RBPMS2: variants seen among roughly 807,000 people sequenced by gnomAD.
RBPMS2 encodes the protein RNA binding protein, mRNA processing factor 2.
A neutral mutation model predicts 25.7 loss-of-function variants in RBPMS2; 14 were observed. The observed-to-expected ratio is 0.55, with a 90% CI of 0.36 to 0.85. RBPMS2 has a LOEUF of 0.85. Among genes scored for constraint, RBPMS2 ranks in the 40% least tolerant of loss-of-function variants. The pLI, the probability that RBPMS2 is intolerant of heterozygous loss-of-function variation, is 0.01. For missense variants in RBPMS2, 252 were observed against 283.4 expected (o/e 0.89, Z 0.80); for synonymous variants, 127 against 115.6 (o/e 1.10, Z -0.63).
At chr15:64,745,463 C>T (rs1263364481) in intron 6 of RBPMS2, among the ~76,000 whole-genome samples, 12 of 152,120 alleles carry the variant, frequency 7.9e-5, no homozygotes, top group African/African-American at 2.9e-4. Context: ...AAAATAGAGG[C>T]ACGGGAGTTT....
At position 64,748,427 on chromosome 15, in the gene RBPMS2, G is replaced by C. The variant is rs993604154; in HGVS notation, c.559C>G (p.His187Asp). The change falls in exon 6 of 8, where the codon CAC (histidine) becomes GAC (aspartate). Residue 187 changes from histidine to aspartate, a missense_variant. Coordinates refer to ENST00000300069, the MANE Select transcript of RBPMS2 (RefSeq NM_194272.3). ...PTATAAAAALHAQVRWYPSSD... is the reference protein window; with the variant it reads ...PTATAAAAALDAQVRWYPSSD... ...AACCTTAAAGGGCTTACCTGAGCGT[G>C]GAGGGCGGCGGCAGCGGCAGTGGCA... 1 of 1,613,876 alleles carries C rather than the reference G, an allele frequency of 6.2e-7. No homozygotes were observed. Among genetic ancestry groups the C allele is most frequent in the African/African-American group, 1.3e-5 (1 of 74,934 alleles).
intron 1 of RBPMS2, among the ~76,000 whole-genome samples, chr15:64,752,759 C>T (rs577017943): frequency 4.8e-4 from 73 of 152,108 alleles, no homozygotes; most frequent in Non-Finnish European, 8.7e-4. Context: ...TACATGCATG[C>T]ACCACCATGC....
At chr15:64,772,237 A>G (rs75498547) in intron 1 of RBPMS2, among the ~76,000 whole-genome samples, 5,663 of 152,266 alleles carry the variant, frequency 0.037, 187 homozygotes, top group Non-Finnish European at 0.052. Flanking sequence ...TTACCCAGTT[A>G]TCCCTTGAGA....
Position 64,775,547 on chromosome 15 carries a change from G to A in RBPMS2, c.-228C>T, listed in dbSNP as rs1389410664. ...GCGGCGGGGGAGGCAGTGGGAGCCG[G>A]AGGGGCCGCCGCCTCCGCCTTTTCA... On this transcript the variant is annotated 5_prime_UTR_variant, in exon 1 of 8. Transcript: ENST00000300069. 4.4e-6 allele frequency: 1 copy of A among 227,638 alleles called. No individual in the cohort carries two copies. The highest frequency in any genetic ancestry group is 2.4e-5 in the African/African-American group (1 of 41,964). The allele number at this position is 227,638 out of a possible 1,614,324, so 14.1% of individuals were successfully genotyped here.
At chr15:64,742,021 G>A (rs950985061) in intron 6 of RBPMS2, among the ~76,000 whole-genome samples, 6 of 151,894 alleles carry the variant, frequency 4.0e-5, no homozygotes, top group African/African-American at 7.2e-5. Context: ...CAAATTAGCC[G>A]GGCGTAGTGG....
rs201341858 is a variant in RBPMS2, at chr15:64,763,321, G to GT, written c.88-11684dup. Among the ~76,000 whole-genome samples, 944 of 152,298 alleles carry GT rather than the reference G, an allele frequency of 6.2e-3. 12 individuals are homozygous for GT. The highest frequency in any genetic ancestry group is 0.022 in the African/African-American group (903 of 41,564). ...CCTAGATCCACACACTCCACAACAT[G>GT]TTTCCCATGCTTCCTGCAAGGAGCT... On this transcript the variant is annotated intron_variant, in intron 1 of 7. Coordinates refer to ENST00000300069, the MANE Select transcript of RBPMS2 (RefSeq NM_194272.3).
At chr15:64,772,844 T>C (rs1353489246) in intron 1 of RBPMS2, among the ~76,000 whole-genome samples, 1 of 152,128 alleles carries the variant, frequency 6.6e-6, no homozygotes. Flanking sequence ...AGGCTGAGAA[T>C]TTTCACTTGT....
At chr15:64,774,953 C>G (rs1184390250) in intron 1 of RBPMS2, among the ~76,000 whole-genome samples, 1 of 150,994 alleles carries the variant, frequency 6.6e-6, no homozygotes, top group Admixed American at 6.6e-5. Flanking sequence ...GGACGCGGCG[C>G]ATCTCGCCCA....
At chr15:64,770,385 A>G (rs553338521) in intron 1 of RBPMS2, among the ~76,000 whole-genome samples, 1 of 152,346 alleles carries the variant, frequency 6.6e-6, no homozygotes, top group South Asian at 2.1e-4. Flanking sequence ...TGAAATGGTG[A>G]TAATAATGTA....
At position 64,751,482 on chromosome 15, in the gene RBPMS2, C is replaced by T; in HGVS notation, c.165+79G>A. 3.1e-6 allele frequency: 4 copies of T among 1,277,346 alleles called. No individual in the cohort carries two copies. The South Asian group carries it at 4.8e-5, about 15-fold the overall frequency. The allele number at this position is 1,277,346 out of a possible 1,614,324, so 79.1% of individuals were successfully genotyped here. ...CGCCTTCCCGCATCATCCTGCTGCC[C>T]TGCCCGACCCGAGATTCACTCCCGC... On this transcript the variant is annotated intron_variant, in intron 2 of 7. Transcript: ENST00000300069.
Position 64,751,548 on chromosome 15 carries a change from G to A in RBPMS2, c.165+13C>T. The A allele has an allele frequency of 6.2e-7, 1 of 1,612,856 alleles. No homozygotes were observed. Among genetic ancestry groups the A allele is most frequent in the South Asian group, 1.1e-5 (1 of 91,026 alleles). On this transcript the variant is annotated intron_variant, in intron 2 of 7. Transcript: ENST00000300069. ...CCAGGCTCTACCCAGGGGGCGGCTGGGTCCTGACTCACCTTGAACGGCCGG... is the reference window on the plus strand; with the variant it reads ...CCAGGCTCTACCCAGGGGGCGGCTGAGTCCTGACTCACCTTGAACGGCCGG...
intron 6 of RBPMS2, 108 bp from the exon 7 acceptor site, chr15:64,741,350 G>C (rs1567061696): frequency 2.4e-6 from 2 of 846,128 alleles, no homozygotes; most frequent in African/African-American, 3.4e-5. Flanking sequence ...TTCTGTCACT[G>C]ATTGGCTGGC....
At chr15:64,767,996 G>A (rs2083861060) in intron 1 of RBPMS2, among the ~76,000 whole-genome samples, 1 of 152,166 alleles carries the variant, frequency 6.6e-6, no homozygotes, top group Non-Finnish European at 1.5e-5. Flanking sequence ...TTTAGAAACT[G>A]GTTCTCTCTG....
chr15:64,746,295 G>A (rs1404106340), intron 6 of RBPMS2, among the ~76,000 whole-genome samples: 2 of 152,116 alleles, frequency 1.3e-5, no homozygotes, highest in African/African-American at 4.8e-5. Flanking sequence ...GTCCAAGGAA[G>A]GCCAGAAGGC....
At chr15:64,764,903 AGAGT>A (rs1387855205) in intron 1 of RBPMS2, among the ~76,000 whole-genome samples, 4 of 134,612 alleles carry the variant, frequency 3.0e-5, no homozygotes, top group African/African-American at 8.3e-5. Context: ...GGGTGACAAC[AGAGT>A]GAGACTCCGT....
chr15:64,769,821 T>C (rs2083879508), intron 1 of RBPMS2, among the ~76,000 whole-genome samples: 1 of 152,106 alleles, frequency 6.6e-6, no homozygotes, highest in African/African-American at 2.4e-5. Flanking sequence ...CAAAGGAAAC[T>C]AGTCCGGAGT....
At chr15:64,741,918 C>T (rs921859992) in intron 6 of RBPMS2, among the ~76,000 whole-genome samples, 1 of 152,216 alleles carries the variant, frequency 6.6e-6, no homozygotes, top group Admixed American at 6.5e-5. Context: ...GTAATCCCAG[C>T]ACTTTCGGAG....
intron 1 of RBPMS2, chr15:64,761,153 G>A (rs952353711): frequency 3.3e-5 from 5 of 152,020 alleles, no homozygotes; most frequent in African/African-American, 7.2e-5. Context: ...ACGAATGCAC[G>A]TGCTTCAGCA....
chr15:64,752,714 G>A (rs1474686430), intron 1 of RBPMS2, among the ~76,000 whole-genome samples: 1 of 151,844 alleles, frequency 6.6e-6, no homozygotes, highest in Non-Finnish European at 1.5e-5. Flanking sequence ...CGGTTCAAGC[G>A]ATTCTCCTGC....
Sources: gnomAD v4.1 joint callset for allele counts (sites outside exome capture counted in the v4.1 genomes callset) on GRCh38, gnomAD v4.1.1 for gene constraint, MANE v1.5 for transcripts, NCBI Gene and HGNC (gene_info 2026-07-23, HGNC 2026-07-21) for gene names.